The following PRKG1 variants were observed in gnomAD, a reference collection of about 807,000 sequenced individuals.
The protein encoded by PRKG1 is protein kinase cGMP-dependent 1, also known as cGMP-dependent protein kinase 1.
In PRKG1, 35 loss-of-function variants were observed where a neutral mutation model predicts 88.1. The ratio of observed to expected loss-of-function variants is 0.40; its 90% confidence interval spans 0.30 to 0.53. The LOEUF is 0.53. Ranked by LOEUF, PRKG1 falls within the 20% of genes least tolerant of loss-of-function variation. PRKG1 has a pLI of 0.59. For missense variants in PRKG1, 540 were observed against 839.8 expected (o/e 0.64, Z 4.41); for synonymous variants, 303 against 292.5 (o/e 1.04, Z -0.37).
At chr10:51,622,133 A>G (rs1839225798) in intron 3 of PRKG1, among the ~76,000 whole-genome samples, 1 of 152,168 alleles carries the variant, frequency 6.6e-6, no homozygotes, top group African/African-American at 2.4e-5. Context: ...CCCTTATAAA[A>G]ATATAGAAAA....
intron 1 of PRKG1, among the ~76,000 whole-genome samples, chr10:51,023,498 A>G (rs772666879): frequency 1.2e-4 from 19 of 152,208 alleles, no homozygotes; most frequent in Non-Finnish European, 2.4e-4. Context: ...ATAGAAACAG[A>G]GATGAAACCC....
At chr10:51,828,346 G>A (rs1839926985) in intron 4 of PRKG1, among the ~76,000 whole-genome samples, 2 of 151,972 alleles carry the variant, frequency 1.3e-5, no homozygotes, top group South Asian at 4.2e-4. Context: ...ATATTGATAA[G>A]GGCTTTTTGA....
intron 3 of PRKG1, among the ~76,000 whole-genome samples, chr10:51,645,399 C>A (rs2132304368): frequency 6.6e-6 from 1 of 152,234 alleles, no homozygotes; most frequent in South Asian, 2.1e-4. Context: ...CATATTTGAA[C>A]TACAAATAAA....
At chr10:51,127,806 C>T (rs1845468751) in intron 1 of PRKG1, among the ~76,000 whole-genome samples, 1 of 152,152 alleles carries the variant, frequency 6.6e-6, no homozygotes, top group African/African-American at 2.4e-5. Context: ...ATGCCCTTTG[C>T]AGGGACATAG....
At chr10:51,389,785 C>T (rs143332672) in intron 2 of PRKG1, among the ~76,000 whole-genome samples, 123 of 152,198 alleles carry the variant, frequency 8.1e-4, no homozygotes, top group African/African-American at 2.7e-3. Flanking sequence ...GATAAGGGAA[C>T]AAGAACATCT....
chr10:51,501,864 G>A (rs1439977485), intron 3 of PRKG1, among the ~76,000 whole-genome samples: 7 of 139,518 alleles, frequency 5.0e-5, no homozygotes, highest in Non-Finnish European at 1.1e-4. Context: ...GACCAAATAT[G>A]GGCACAGATG....
At chr10:51,081,182 TATTTTAAGCGTGAA>T (rs1206820804) in intron 1 of PRKG1, among the ~76,000 whole-genome samples, 35 of 152,298 alleles carry the variant, frequency 2.3e-4, no homozygotes, top group Middle Eastern at 3.4e-3. Flanking sequence ...AGGCTGCCTA[TATTTTAAGCGTGAA>T]ATTTATAAGC....
At chr10:51,828,322 A>G (rs1323152691) in intron 4 of PRKG1, among the ~76,000 whole-genome samples, 1 of 152,164 alleles carries the variant, frequency 6.6e-6, no homozygotes, top group East Asian at 1.9e-4. Flanking sequence ...AAAAAAAATC[A>G]GAGACATTTT....
At chr10:51,425,279 T>A (rs1410992769) in intron 2 of PRKG1, among the ~76,000 whole-genome samples, 1 of 152,244 alleles carries the variant, frequency 6.6e-6, no homozygotes, top group Admixed American at 6.5e-5. Flanking sequence ...ATTACCCTAA[T>A]AGATTGTGCT....
chr10:51,865,203 T>C (rs1282304989), intron 4 of PRKG1, among the ~76,000 whole-genome samples: 2 of 152,128 alleles, frequency 1.3e-5, no homozygotes, highest in African/African-American at 2.4e-5. Flanking sequence ...GCTATTGTGC[T>C]GTATGTATAC....
At chr10:51,892,499 G>A (rs1841747117) in intron 4 of PRKG1, among the ~76,000 whole-genome samples, 1 of 152,186 alleles carries the variant, frequency 6.6e-6, no homozygotes, top group African/African-American at 2.4e-5. Flanking sequence ...CATCATAGGA[G>A]TGTCCTGGGC....
intron 3 of PRKG1, among the ~76,000 whole-genome samples, chr10:51,732,353 C>A (rs1363069975): frequency 6.6e-6 from 1 of 151,982 alleles, no homozygotes; most frequent in African/African-American, 2.4e-5. Context: ...GGTATGGGGG[C>A]GAACACAATT....
Position 52,114,963 on chromosome 10 carries a change from T to C in PRKG1, c.936-18877T>C, listed in dbSNP as rs72803138. On this transcript the variant is annotated intron_variant, in intron 7 of 17. Coordinates refer to ENST00000373980, the MANE Select transcript of PRKG1 (RefSeq NM_006258.4). ...AAGGTAATGAAAGAAGTTTTCCAAA[T>C]GTCTCATATCTGTCCATTACTGTCA... 3.8e-3 allele frequency among the ~76,000 whole-genome samples: 579 copies of C among 152,208 alleles called. 6 individuals are homozygous for C. Among genetic ancestry groups the C allele is most frequent in the Non-Finnish European group, 5.2e-3 (351 of 67,964 alleles).
At chr10:51,182,666 G>A (rs1837378756) in intron 2 of PRKG1, among the ~76,000 whole-genome samples, 1 of 152,132 alleles carries the variant, frequency 6.6e-6, no homozygotes, top group Admixed American at 6.6e-5. Flanking sequence ...ATCTAGACAG[G>A]TAATGGGTCT....
At chr10:51,585,193 A>G (rs1838142322) in intron 3 of PRKG1, among the ~76,000 whole-genome samples, 1 of 152,116 alleles carries the variant, frequency 6.6e-6, no homozygotes, top group Admixed American at 6.6e-5. Context: ...TTCTGTGACT[A>G]CTGTCTTCTT....
intron 4 of PRKG1, among the ~76,000 whole-genome samples, chr10:51,879,850 T>C (rs1434041684): frequency 1.3e-5 from 2 of 152,152 alleles, no homozygotes; most frequent in Non-Finnish European, 2.9e-5. Flanking sequence ...TGTTACTCAG[T>C]GGAAGGAATT....
At position 51,324,597 on chromosome 10, in the gene PRKG1, C is replaced by T. The variant is rs1442243489; in HGVS notation, c.479-143126C>T. On this transcript the variant is annotated intron_variant, in intron 2 of 17. Coordinates refer to ENST00000373980, the MANE Select transcript of PRKG1 (RefSeq NM_006258.4). Reference sequence around the variant, plus strand: ...AAAAAAAAAAAAAAAAAAAAATAGCCGGGCGTGGTGGCGGGCGCCTGTAAT... The same window carrying T: ...AAAAAAAAAAAAAAAAAAAAATAGCTGGGCGTGGTGGCGGGCGCCTGTAAT... Among the ~76,000 whole-genome samples, 60 of 150,038 alleles carry T rather than the reference C, an allele frequency of 4.0e-4. 1 individual carries two copies. Among genetic ancestry groups the T allele is most frequent in the Middle Eastern group, 3.5e-3 (1 of 284 alleles).
intron 5 of PRKG1, among the ~76,000 whole-genome samples, chr10:52,013,017 C>T (rs1304182787): frequency 6.6e-6 from 1 of 152,082 alleles, no homozygotes; most frequent in Non-Finnish European, 1.5e-5. Flanking sequence ...GAGTATGGTC[C>T]TTGCCCTTAG....
At chr10:51,273,071 A>G (rs867573633) in intron 2 of PRKG1, among the ~76,000 whole-genome samples, 1 of 152,144 alleles carries the variant, frequency 6.6e-6, no homozygotes, top group African/African-American at 2.4e-5. Context: ...TTTTTGTTGT[A>G]TCAAAAAAGT....
Sources: gnomAD v4.1 joint callset for allele counts (sites outside exome capture counted in the v4.1 genomes callset) on GRCh38, gnomAD v4.1.1 for gene constraint, MANE v1.5 for transcripts, NCBI Gene and HGNC (gene_info 2026-07-23, HGNC 2026-07-21) for gene names.